PTPRT: variants seen among roughly 807,000 people sequenced by gnomAD.
PTPRT encodes the protein protein tyrosine phosphatase receptor type T.
In PTPRT, 56 loss-of-function variants were observed where a neutral mutation model predicts 176.8. That is an observed-to-expected ratio of 0.32 (90% CI 0.26 to 0.40). PTPRT has a LOEUF of 0.40. PTPRT is among the 10% of genes least tolerant of loss of function. The pLI, the probability that PTPRT is intolerant of heterozygous loss-of-function variation, is 1.00. For missense variants in PTPRT, 1,540 were observed against 1,908.2 expected, an observed-to-expected ratio of 0.81 and a Z score of 3.60; for synonymous variants, 783 against 739.0, an observed-to-expected ratio of 1.06 and a Z score of -0.96.
intron 12 of PTPRT, among the ~76,000 whole-genome samples, chr20:42,287,125 C>T (rs2057243593): frequency 6.6e-6 from 1 of 151,876 alleles, no homozygotes; most frequent in Admixed American, 6.6e-5. Flanking sequence ...AACTCTTATA[C>T]ATTGTTGATG....
At chr20:43,065,328 T>G (rs1440710884) in intron 1 of PTPRT, among the ~76,000 whole-genome samples, 1 of 152,186 alleles carries the variant, frequency 6.6e-6, no homozygotes, top group South Asian at 2.1e-4. Context: ...GCAAATCACA[T>G]GTAGTAAGGA....
intron 7 of PTPRT, among the ~76,000 whole-genome samples, chr20:42,643,541 T>C (rs973529360): frequency 1.3e-5 from 2 of 151,190 alleles, no homozygotes; most frequent in Non-Finnish European, 2.9e-5. Flanking sequence ...GGTCTCAAGC[T>C]CCTGGGCTCA....
chr20:42,891,458 A>C (rs2079191377), intron 1 of PTPRT, among the ~76,000 whole-genome samples: 1 of 152,188 alleles, frequency 6.6e-6, no homozygotes, highest in South Asian at 2.1e-4. Flanking sequence ...GAAATGGAAA[A>C]CTGTAGCAAG....
In PTPRT at chr20:42,102,244, G is replaced by A. The variant is rs143078886; in HGVS notation, c.3594C>T (p.Leu1198=). 9.9e-6 allele frequency: 16 copies of A among 1,614,222 alleles called. No individual in the cohort carries two copies. Among genetic ancestry groups the A allele is most frequent in the African/African-American group, 5.3e-5 (4 of 75,056 alleles). Residue 1198 remains leucine (L), a synonymous_variant, in exon 26 of 31, where the codon CTC becomes CTT. Coordinates refer to ENST00000373187, the MANE Select transcript of PTPRT (RefSeq NM_007050.6). ...GATTCTTATCATGGTTCCGGGGCAG[G>A]AGCCCAATGCTGCAGTCCTCGGGCC... ...RVRPEDCSIG[L]LPRNHDKNRS...
chr20:42,924,695 G>T (rs1197086027), intron 1 of PTPRT, among the ~76,000 whole-genome samples: 1 of 152,188 alleles, frequency 6.6e-6, no homozygotes, highest in African/African-American at 2.4e-5. Context: ...CCCAAAACCA[G>T]CTGCTGTTAA....
downstream of PTPRT, among the ~76,000 whole-genome samples, chr20:42,068,884 C>T (rs1025002293): frequency 5.3e-5 from 8 of 152,214 alleles, no homozygotes; most frequent in African/African-American, 1.4e-4. Context: ...CTTCTTGGCC[C>T]TGCCATGCCT....
chr20:43,186,493 G>C (rs1452377278), intron 1 of PTPRT, among the ~76,000 whole-genome samples: 1 of 152,198 alleles, frequency 6.6e-6, no homozygotes, highest in Non-Finnish European at 1.5e-5. Context: ...TCCTGTGCTT[G>C]AAAGAGTGAT....
chr20:42,680,687 C>G (rs1462237446), intron 6 of PTPRT, among the ~76,000 whole-genome samples: 1 of 152,154 alleles, frequency 6.6e-6, no homozygotes, highest in African/African-American at 2.4e-5. Flanking sequence ...CCATTTAGTT[C>G]TTTTCCATTG....
chr20:42,468,277 G>A (rs79708596), intron 8 of PTPRT, among the ~76,000 whole-genome samples: 1 of 152,172 alleles, frequency 6.6e-6, no homozygotes, highest in East Asian at 1.9e-4. Context: ...GCTCCCGGAG[G>A]GGGGTTTCAG....
chr20:43,079,729 A>G (rs1394190174), intron 1 of PTPRT, among the ~76,000 whole-genome samples: 1 of 152,178 alleles, frequency 6.6e-6, no homozygotes, highest in East Asian at 1.9e-4. Context: ...TTATCCAACA[A>G]ATTTGTTGAA....
At chr20:42,349,804 C>T (rs964763815) in intron 11 of PTPRT, among the ~76,000 whole-genome samples, 1 of 152,160 alleles carries the variant, frequency 6.6e-6, no homozygotes, top group East Asian at 1.9e-4. Flanking sequence ...ATATTGCTGC[C>T]CTTGTGCAAA....
At chr20:42,379,942 C>T (rs761160900) in intron 9 of PTPRT, among the ~76,000 whole-genome samples, 13 of 152,126 alleles carry the variant, frequency 8.5e-5, no homozygotes, top group Non-Finnish European at 1.8e-4. Flanking sequence ...TGCAGAGGGA[C>T]GTGAAGGATA....
At chr20:42,378,361 C>T (rs1048271007) in intron 9 of PTPRT, among the ~76,000 whole-genome samples, 1 of 152,198 alleles carries the variant, frequency 6.6e-6, no homozygotes, top group Non-Finnish European at 1.5e-5. Flanking sequence ...TCTTTCATCT[C>T]GAAAAGTCAG....
intron 7 of PTPRT, among the ~76,000 whole-genome samples, chr20:42,597,777 T>C (rs1365496808): frequency 2.0e-5 from 3 of 152,220 alleles, no homozygotes; most frequent in Admixed American, 6.5e-5. Context: ...TATTTCTTTA[T>C]AGCAGGGTGA....
chr20:42,317,137 C>G (rs1299719604), intron 11 of PTPRT, among the ~76,000 whole-genome samples: 1 of 151,674 alleles, frequency 6.6e-6, no homozygotes, highest in Non-Finnish European at 1.5e-5. Context: ...AAACATGAAA[C>G]CAAATCTGCC....
intron 8 of PTPRT, among the ~76,000 whole-genome samples, chr20:42,448,777 C>T (rs2070775616): frequency 6.6e-6 from 1 of 151,910 alleles, no homozygotes; most frequent in Admixed American, 6.6e-5. Context: ...AATCTTTTGG[C>T]TTCCCTGGGC....
At chr20:42,247,960 T>A (rs1245593253) in intron 14 of PTPRT, among the ~76,000 whole-genome samples, 1 of 152,218 alleles carries the variant, frequency 6.6e-6, no homozygotes, top group African/African-American at 2.4e-5. Context: ...GAATGCCTCT[T>A]AAACAGAGGA....
chr20:43,034,137 T>C (rs1358891104), intron 1 of PTPRT, among the ~76,000 whole-genome samples: 1 of 152,124 alleles, frequency 6.6e-6, no homozygotes, highest in African/African-American at 2.4e-5. Context: ...AAGAAATCTG[T>C]CTTTCCTGAC....
intron 1 of PTPRT, among the ~76,000 whole-genome samples, chr20:43,027,448 C>G (rs893067009): frequency 1.4e-5 from 2 of 148,128 alleles, no homozygotes; most frequent in African/African-American, 5.0e-5. Flanking sequence ...TACACTCCAG[C>G]CTAGGCAACA....
Sources: gnomAD v4.1 joint callset for allele counts (sites outside exome capture counted in the v4.1 genomes callset) on GRCh38, gnomAD v4.1.1 for gene constraint, MANE v1.5 for transcripts, NCBI Gene and HGNC (gene_info 2026-07-23, HGNC 2026-07-21) for gene names.